TMEM62: variants seen among roughly 807,000 people sequenced by gnomAD.
TMEM62 encodes transmembrane protein 62.
TMEM62 carries 41 observed loss-of-function variants against 70.4 expected under a neutral mutation model. That is an observed-to-expected ratio of 0.58 (90% confidence interval 0.45 to 0.76). The LOEUF (loss-of-function observed/expected upper bound fraction) is 0.76, where lower values mean the gene tolerates loss of function less well. Among genes scored for constraint, TMEM62 ranks in the 30% least tolerant of loss-of-function variants. TMEM62 has a pLI of 0.00. For missense variants in TMEM62, 688 were observed against 788.5 expected, an observed-to-expected ratio of 0.87 and a Z score of 1.53; for synonymous variants, 268 against 291.0, an observed-to-expected ratio of 0.92 and a Z score of 0.80.
rs1440968194 is a variant in TMEM62 at position 43,184,498 on chromosome 15, C to T, written c.1844C>T (p.Thr615Ile). The change falls in exon 14 of 14, where the codon ACA (threonine) becomes ATA (isoleucine). Residue 615 changes from threonine (T) to isoleucine (I), a missense_variant. Physicochemically the swap from Thr to Ile is moderately conservative, Grantham distance 89. Transcript: ENST00000260403. ...SPLRTWLTLL[T>I]PVLIRYVWTL... ...TTGCGGACCTGGTTGACACTGCTGA[C>T]ACCTGTTCTCATTCGTTATGTGTGG... The T allele has an allele frequency of 8.7e-6, 14 of 1,613,880 alleles. No homozygotes were observed. The highest frequency in any genetic ancestry group is 1.1e-5 in the Non-Finnish European group (13 of 1,180,052).
intron 5 of TMEM62, among the ~76,000 whole-genome samples, chr15:43,147,884 A>G (rs931261557): frequency 6.6e-6 from 1 of 152,216 alleles, no homozygotes; most frequent in African/African-American, 2.4e-5. Context: ...CTGAGGGTAG[A>G]TCCCAGAAAT....
rs1361475834 is a variant in TMEM62, at chr15:43,176,553, C to T, written c.1382-2054C>T. Among the ~76,000 whole-genome samples, 4 of 152,192 alleles carry T rather than the reference C, an allele frequency of 2.6e-5. No individual in the cohort carries two copies. In the East Asian group the frequency reaches 7.7e-4, roughly 29 times the overall value. ...AAAATCCGCTGTTCTGCAGCCACCA[C>T]TGATGATACCCAGGCAAACAGGGTC... On this transcript the variant is annotated intron_variant, in intron 11 of 13. Coordinates refer to ENST00000260403, the MANE Select transcript of TMEM62 (RefSeq NM_024956.4).
intron 11 of TMEM62, among the ~76,000 whole-genome samples, chr15:43,176,462 G>A (rs1045544541): frequency 3.3e-4 from 50 of 152,282 alleles, no homozygotes; most frequent in African/African-American, 1.1e-3. Context: ...CATCTCACAC[G>A]GCCGGGTACT....
intron 10 of TMEM62, among the ~76,000 whole-genome samples, chr15:43,161,881 C>G (rs923239492): frequency 1.3e-5 from 2 of 152,030 alleles, no homozygotes; most frequent in Non-Finnish European, 2.9e-5. Context: ...AGGCTGGTCT[C>G]GAACTCCTGA....
chr15:43,158,826 G>T (rs144213118), intron 9 of TMEM62, among the ~76,000 whole-genome samples: 5 of 152,110 alleles, frequency 3.3e-5, no homozygotes, highest in Non-Finnish European at 7.4e-5. Context: ...TCTGCCAAAG[G>T]TGACTGAGTC....
intron 11 of TMEM62, among the ~76,000 whole-genome samples, chr15:43,173,284 G>A (rs2040394679): frequency 6.6e-6 from 1 of 152,184 alleles, no homozygotes; most frequent in South Asian, 2.1e-4. Context: ...TCACCTCTCT[G>A]GATTCCTGAA....
At chr15:43,178,174 A>G (rs2040963258) in intron 11 of TMEM62, among the ~76,000 whole-genome samples, 1 of 152,078 alleles carries the variant, frequency 6.6e-6, no homozygotes, top group South Asian at 2.1e-4. Context: ...CATAGAAAAC[A>G]GAGACTTGAT....
intron 3 of TMEM62, among the ~76,000 whole-genome samples, chr15:43,136,611 A>AT (rs779033478): frequency 0.051 from 7,139 of 139,600 alleles, 184 homozygotes; most frequent in African/African-American, 0.077. Flanking sequence ...TGCCCAGTTA[A>AT]TTTTTTTTTT....
At chr15:43,183,281 C>T (rs1177408125) in intron 13 of TMEM62, among the ~76,000 whole-genome samples, 1 of 152,212 alleles carries the variant, frequency 6.6e-6, no homozygotes, top group Non-Finnish European at 1.5e-5. Flanking sequence ...TTGCCTGGGT[C>T]TTCTCCCTGA....
intron 12 of TMEM62, 28 bp from the exon 13 acceptor site, chr15:43,181,153 C>T (rs2041291949): frequency 2.2e-6 from 3 of 1,350,254 alleles, no homozygotes; most frequent in Non-Finnish European, 2.1e-6. Context: ...ATTTAATCTC[C>T]TCCTTTTTTG....
chr15:43,157,488 G>C (rs2038181168), intron 9 of TMEM62, among the ~76,000 whole-genome samples: 1 of 151,928 alleles, frequency 6.6e-6, no homozygotes, highest in Non-Finnish European at 1.5e-5. Flanking sequence ...CACATTTTGA[G>C]CAATAAAAGC....
At position 43,133,896 on chromosome 15, in the gene TMEM62, C is replaced by T. The variant is rs1316059059; in HGVS notation, c.94C>T (p.Pro32Ser). The change falls in exon 1 of 14, where the codon CCC (proline) becomes TCC (serine). Residue 32 changes from proline (P) to serine (S), a missense_variant. Pro to Ser is a moderately conservative substitution (Grantham distance 74). Transcript: ENST00000260403. Reference sequence around the variant, plus strand: ...GGAGCACTACGGCCTGGCGGGCCAGCCCTCGCCGCTGCCGCGCCCCGCGCC... The same window carrying T: ...GGAGCACTACGGCCTGGCGGGCCAGTCCTCGCCGCTGCCGCGCCCCGCGCC... The part of the protein sequence containing the change: ...LLEHYGLAGQ[P>S]SPLPRPAPPR... The T allele has an allele frequency of 1.3e-6, 2 of 1,500,488 alleles. No homozygotes were observed. Among genetic ancestry groups the T allele is most frequent in the South Asian group, 1.3e-5 (1 of 79,980 alleles). The allele number at this position is 1,500,488 out of a possible 1,614,324, so 92.9% of individuals were successfully genotyped here. A position where few individuals can be genotyped will look rare whatever the true frequency, so the allele number is the denominator to read the frequency against.
chr15:43,178,459 T>C, intron 11 of TMEM62, 148 bp from the exon 12 acceptor site: 1 of 491,258 alleles, frequency 2.0e-6, no homozygotes. Context: ...AAATTCTGAA[T>C]TTAAAGTGGT....
intron 1 of TMEM62, 89 bp from the exon 2 acceptor site, chr15:43,134,168 C>T (rs751453282): frequency 2.5e-5 from 38 of 1,500,982 alleles, no homozygotes; most frequent in Non-Finnish European, 3.4e-5. Context: ...TTTGCCTTTT[C>T]CTTCTGCCCG....
At chr15:43,167,773 T>A (rs1422469214) in intron 10 of TMEM62, among the ~76,000 whole-genome samples, 2 of 152,142 alleles carry the variant, frequency 1.3e-5, no homozygotes, top group African/African-American at 4.8e-5. Context: ...CAAGGCAGGC[T>A]GCTGGGAGGT....
At chr15:43,171,178 A>G (rs2040144620) in intron 11 of TMEM62, among the ~76,000 whole-genome samples, 1 of 152,070 alleles carries the variant, frequency 6.6e-6, no homozygotes, top group Admixed American at 6.6e-5. Flanking sequence ...TCCACTAAAA[A>G]TACAAAAATT....
intron 10 of TMEM62, among the ~76,000 whole-genome samples, chr15:43,168,061 C>T (rs146112868): frequency 0.037 from 5,608 of 151,616 alleles, 341 homozygotes; most frequent in African/African-American, 0.12. Context: ...TGCAGTGAGC[C>T]GAGATGGCAG....
At chr15:43,139,099 A>G (rs907434463) in intron 4 of TMEM62, among the ~76,000 whole-genome samples, 1 of 151,554 alleles carries the variant, frequency 6.6e-6, no homozygotes, top group African/African-American at 2.4e-5. Flanking sequence ...TTCCAACAGC[A>G]TGTGCTCACT....
chr15:43,135,744 G>A, intron 3 of TMEM62, 95 bp downstream of exon 3: 1 of 1,398,800 alleles, frequency 7.1e-7, no homozygotes. Context: ...TTATAAAGTG[G>A]GACATTTACA....
Sources: allele counts gnomAD v4.1 joint callset (sites outside exome capture counted in the v4.1 genomes callset), GRCh38; gene constraint gnomAD v4.1.1; transcripts MANE v1.5; gene names NCBI Gene and HGNC (gene_info 2026-07-23, HGNC 2026-07-21).